The following DLAT variants were observed in gnomAD, a reference collection of about 807,000 sequenced individuals.
The protein encoded by DLAT is dihydrolipoamide S-acetyltransferase, also known as dihydrolipoyllysine-residue acetyltransferase component of pyruvate dehydrogenase complex, mitochondrial.
In DLAT, 43 loss-of-function variants were observed where a neutral mutation model predicts 68.0. The observed-to-expected ratio is 0.63, with a 90% CI of 0.50 to 0.81. The LOEUF (loss-of-function observed/expected upper bound fraction) is 0.81. Among genes scored for constraint, DLAT ranks in the 40% least tolerant of loss-of-function variants. The pLI is 0.00. For missense variants in DLAT, 745 were observed against 815.4 expected, an observed-to-expected ratio of 0.91 and a Z score of 1.05; for synonymous variants, 265 against 288.6, an observed-to-expected ratio of 0.92 and a Z score of 0.83.
At position 112,026,224 on chromosome 11, in the gene DLAT, A is replaced by G. The variant is rs2137678633; in HGVS notation, c.306A>G (p.Thr102=). ...QKVPLPSLSP[T]MQAGTIARWE... is the part of the protein sequence containing the mutation. ...TTCCATTGCCTTCTCTTTCCCCCAC[A>G]ATGCAGGCAGGCACCATAGCCCGTT... is the stretch of plus-strand genomic sequence containing the variant. The change falls in exon 2 of 14, where the codon ACA becomes ACG. Residue 102 remains threonine (T), a synonymous_variant. Coordinates refer to ENST00000280346, the MANE Select transcript of DLAT (RefSeq NM_001931.5). 3.1e-6 allele frequency: 5 copies of G among 1,612,130 alleles called. No homozygotes were observed. The highest frequency in any genetic ancestry group is 4.2e-6 in the Non-Finnish European group (5 of 1,179,204).
Position 112,025,529 on chromosome 11 carries a change from G to T in DLAT, c.57G>T (p.Glu19Asp). The T allele has an allele frequency of 6.2e-7, 1 of 1,614,052 alleles. No homozygotes were observed. Among genetic ancestry groups the T allele is most frequent in the South Asian group, 1.1e-5 (1 of 91,086 alleles). ...AQNVAPWAGL[E>D]ARWTALQEVP... is the part of the protein sequence containing the mutation. ...ATGTAGCCCCATGGGCGGGACTCGA[G>T]GCTCGGTGGACGGCCTTGCAGGAGG... The change falls in exon 1 of 14, where the codon GAG becomes GAT. Residue 19 changes from glutamate (E) to aspartate (D), a missense_variant. Physicochemically the swap from Glu to Asp is conservative, Grantham distance 45. Coordinates refer to ENST00000280346, the MANE Select transcript of DLAT (RefSeq NM_001931.5).
At position 112,025,420 on chromosome 11, in the gene DLAT, G is replaced by A. The variant is rs1003970550; in HGVS notation, c.-53G>A. The A allele has an allele frequency of 7.6e-6, 12 of 1,579,706 alleles. No homozygotes were observed. In the South Asian group the frequency reaches 1.4e-4, roughly 18 times the overall value. On this transcript the variant is annotated 5_prime_UTR_variant, in exon 1 of 14. Transcript: ENST00000280346. ...TGACGGCAACGCCGCTGCTCTTGGA[G>A]AGGTCACTCCGGAGACGGCGTTGGT... is the stretch of plus-strand genomic sequence containing the variant.
chr11:112,030,004 A>G, intron 4 of DLAT: 1 of 1,046,378 alleles, frequency 9.6e-7, no homozygotes, highest in Non-Finnish European at 1.5e-6. Flanking sequence ...AAGAACTGAC[A>G]GCCATTTGTA....
Position 112,039,186 on chromosome 11 carries a change from C to T in DLAT, c.976-58C>T, listed in dbSNP as rs76539854. 18,595 of 1,546,712 alleles carry T rather than the reference C, an allele frequency of 0.012. 158 individuals carry two copies. The highest frequency in any genetic ancestry group is 0.014 in the Non-Finnish European group (15,444 of 1,125,506). ...TATTAATAAGATGTAAACTTTTAAT[C>T]TTTCAGACCAGTCTTTGAAGTGGTG... is the stretch of plus-strand genomic sequence containing the variant. On this transcript the variant is annotated intron_variant, in intron 6 of 13. Coordinates refer to ENST00000280346, the MANE Select transcript of DLAT (RefSeq NM_001931.5).
In DLAT at chr11:112,063,987, C is replaced by T. The variant is rs1864794970; in HGVS notation, c.*1452C>T. On this transcript the variant is annotated 3_prime_UTR_variant, in exon 14 of 14. Transcript: ENST00000280346. Reference sequence around the variant, plus strand: ...ATCTGTTTCTAAATATTCATTATTACATGGTACACAAGTGACACTCCATAT... The same window carrying T: ...ATCTGTTTCTAAATATTCATTATTATATGGTACACAAGTGACACTCCATAT... 1 of 491,214 alleles carries T rather than the reference C, an allele frequency of 2.0e-6. No individual in the cohort carries two copies. Among genetic ancestry groups the T allele is most frequent in the Non-Finnish European group, 3.5e-6 (1 of 288,356 alleles). The allele number at this position is 491,214 out of a possible 1,614,324, so 30.4% of individuals were successfully genotyped here.
chr11:112,028,890 C>T lies in DLAT; in HGVS notation c.605C>T (p.Ser202Leu), dbSNP rs781951438. The T allele has an allele frequency of 5.7e-5, 92 of 1,614,056 alleles. No homozygotes were observed. Among genetic ancestry groups the T allele is most frequent in the South Asian group, 8.8e-5 (8 of 91,092 alleles). ...APAPTPAATA[S>L]PPTPSAQAPG... The stretch of plus-strand genomic sequence containing the variant: ...GCACCAACCCCTGCTGCCACTGCTT[C>T]GCCACCTACACCTTCTGCTCAGGCT... The change falls in exon 4 of 14, where the codon TCG becomes TTG. Residue 202 changes from serine (S) to leucine (L), a missense_variant. Physicochemically the swap from Ser to Leu is moderately radical, Grantham distance 145. Coordinates refer to ENST00000280346, the MANE Select transcript of DLAT (RefSeq NM_001931.5).
In DLAT at chr11:112,055,713, T is replaced by C. The variant is rs797026508; in HGVS notation, c.1515-4190T>C. Among the ~76,000 whole-genome samples, 47 of 152,102 alleles carry C rather than the reference T, an allele frequency of 3.1e-4. 1 individual carries two copies. The highest frequency in any genetic ancestry group is 1.0e-3 in the African/African-American group (42 of 41,510). Reference sequence around the variant, plus strand: ...CTTTTCCGTGCTATGGCCACCGTGATGATCGTCACAGCAGCAAACATTCAA... The same window carrying C: ...CTTTTCCGTGCTATGGCCACCGTGACGATCGTCACAGCAGCAAACATTCAA... On this transcript the variant is annotated intron_variant, in intron 11 of 13. Coordinates refer to ENST00000280346, the MANE Select transcript of DLAT (RefSeq NM_001931.5).
Position 112,063,695 on chromosome 11 carries a change from A to T in DLAT, c.*1160A>T, listed in dbSNP as rs1304944639. On this transcript the variant is annotated 3_prime_UTR_variant, in exon 14 of 14. Transcript: ENST00000280346. ...AAAATACTATTGGAGAGAAAAAATT[A>T]ACTAGGTTGCTACTTTATTTGCCTA... The T allele has an allele frequency of 6.6e-6, 1 of 152,432 alleles. No homozygotes were observed. Among genetic ancestry groups the T allele is most frequent in the Non-Finnish European group, 1.5e-5 (1 of 68,192 alleles). 9.4% of individuals were successfully genotyped at this position (152,432 alleles called of 1,614,324 possible).
At chr11:112,047,037 C>G (rs1354731835) in intron 10 of DLAT, among the ~76,000 whole-genome samples, 1 of 152,172 alleles carries the variant, frequency 6.6e-6, no homozygotes, top group Non-Finnish European at 1.5e-5. Context: ...CCTTGAGGAA[C>G]CGCCACACTG....
chr11:112,062,527 T>C lies in DLAT; in HGVS notation c.1936T>C (p.Leu646=). 5 of 1,612,390 alleles carry C rather than the reference T, an allele frequency of 3.1e-6. No homozygotes were observed. The highest frequency in any genetic ancestry group is 4.2e-6 in the Non-Finnish European group (5 of 1,179,950). ...GTACCTTGAAAAACCTATCACTATG[T>C]TGTTGTAACTAACTCAAGAATTTCT... ...RKYLEKPITM[L]L Residue 646 remains leucine (L), a synonymous_variant, in exon 14 of 14, where the codon TTG becomes CTG. Transcript: ENST00000280346.
At chr11:112,060,802 T>C (rs2135163946) in intron 12 of DLAT, among the ~76,000 whole-genome samples, 1 of 152,222 alleles carries the variant, frequency 6.6e-6, no homozygotes, top group East Asian at 1.9e-4. Context: ...GTTCTGAAAA[T>C]AAAGTAAAAT....
intron 10 of DLAT, among the ~76,000 whole-genome samples, chr11:112,049,633 G>T (rs1863508101): frequency 6.6e-6 from 1 of 151,448 alleles, no homozygotes; most frequent in Non-Finnish European, 1.5e-5. Flanking sequence ...GAGTAGAAAA[G>T]AAGTTAGATT....
In DLAT at chr11:112,051,148, C is replaced by G; in HGVS notation, c.1399-86C>G. ...GCACATGTTTACCTATATAATAAAC[C>G]TGGACATTCTGCACATGCACCCTGA... On this transcript the variant is annotated intron_variant, in intron 10 of 13. Transcript: ENST00000280346. This position sits in a 1 kb window ranked among gnomAD's most constrained non-coding sequence, Gnocchi z 4.3. 1.1e-6 allele frequency: 1 copy of G among 914,742 alleles called. No homozygotes were observed. Among genetic ancestry groups the G allele is most frequent in the Non-Finnish European group, 1.7e-6 (1 of 590,642 alleles). The allele number at this position is 914,742 out of a possible 1,614,324, so 56.7% of individuals were successfully genotyped here. A position where few individuals can be genotyped will look rare whatever the true frequency, so the allele number is the denominator to read the frequency against.
In DLAT at chr11:112,028,786, C is replaced by T. The variant is rs782718789; in HGVS notation, c.507-6C>T. 3 of 1,614,034 alleles carry T rather than the reference C, an allele frequency of 1.9e-6. No homozygotes were observed. Among genetic ancestry groups the T allele is most frequent in the Admixed American group, 1.7e-5 (1 of 60,000 alleles). On this transcript the variant is annotated splice_polypyrimidine_tract_variant and splice_region_variant and intron_variant, in intron 3 of 13. Transcript: ENST00000280346. ...ATTATATTTATGCATTCTTTCTCTT[C>T]CTTAGGCCTGAGGATATTGAGGCCT... is the stretch of plus-strand genomic sequence containing the variant.
chr11:112,026,402 G>C (rs1862015832), intron 2 of DLAT, 103 bp downstream of exon 2: 1 of 567,786 alleles, frequency 1.8e-6, no homozygotes, highest in African/African-American at 2.0e-5. Flanking sequence ...TAGGACAATA[G>C]TGGAGGGAAG....
Position 112,045,243 on chromosome 11 carries a change from C to T in DLAT, c.1290+13C>T, listed in dbSNP as rs781932978. 5.1e-5 allele frequency: 82 copies of T among 1,598,706 alleles called. No homozygotes were observed. The African/African-American group carries it at 1.0e-3, about 20-fold the overall frequency. On this transcript the variant is annotated intron_variant, in intron 9 of 13. Transcript: ENST00000280346. ...CAACATTCGTCGGGTAAGAGAATTA[C>T]CATCATCTGGAATCAGCTGTTAGGG...
At chr11:112,028,723 A>AC in intron 3 of DLAT, 69 bp from the exon 4 acceptor site, 1 of 1,613,938 alleles carries the variant, frequency 6.2e-7, no homozygotes, top group Non-Finnish European at 8.5e-7. Context: ...GTTAAAGACT[A>AC]TTTTTTAAGA....
rs781982618 is a variant in DLAT at position 112,039,290 on chromosome 11, C to G, written c.1022C>G (p.Ser341Ter). ...PTPQPLAPTPSAPCPATPAGP... is the reference protein window; with the variant it reads ...PTPQPLAPTP ...CCCCAGCCTTTAGCTCCTACACCTT[C>G]AGCACCCTGCCCAGCTACTCCTGCT... Residue 341 changes from serine to a stop codon, truncating the protein, a stop_gained, in exon 7 of 14, where the codon TCA becomes TGA. Transcript: ENST00000280346. LOFTEE classifies it high-confidence loss of function. The G allele has an allele frequency of 6.2e-7, 1 of 1,614,140 alleles. No individual in the cohort carries two copies. The highest frequency in any genetic ancestry group is 8.5e-7 in the Non-Finnish European group (1 of 1,180,022).
chr11:112,033,098 T>C (rs1473877157), intron 4 of DLAT, among the ~76,000 whole-genome samples: 3 of 152,080 alleles, frequency 2.0e-5, no homozygotes, highest in African/African-American at 7.2e-5. Context: ...GATGAAAAGA[T>C]GCTCCATACT....
Sources: gnomAD v4.1 joint callset for allele counts (sites outside exome capture counted in the v4.1 genomes callset) on GRCh38, gnomAD v4.1.1 for gene constraint, Gnocchi (gnomAD v3.1) non-coding constraint, MANE v1.5 for transcripts, NCBI Gene and HGNC (gene_info 2026-07-23, HGNC 2026-07-21) for gene names.